The following CPE variants were observed in gnomAD, a reference collection of about 807,000 sequenced individuals.
The protein encoded by CPE is carbocypeptidase E.
Under a neutral mutation model 53.5 loss-of-function variants are expected in CPE, and 17 were observed. The ratio of observed to expected loss-of-function variants is 0.32; its 90% confidence interval spans 0.22 to 0.48. CPE has a LOEUF of 0.48. CPE is among the 20% of genes least tolerant of loss of function. The probability of loss-of-function intolerance (pLI) is 0.99; values close to 1 mark genes in which losing one functional copy is unlikely to be tolerated. For synonymous variants in CPE, 226 were observed against 228.8 expected, an observed-to-expected ratio of 0.99 and a Z score of 0.11; for missense variants, 524 against 614.7, an observed-to-expected ratio of 0.85 and a Z score of 1.56.
intron 1 of CPE, among the ~76,000 whole-genome samples, chr4:165,400,520 G>A (rs919757269): frequency 1.3e-5 from 2 of 151,996 alleles, no homozygotes; most frequent in African/African-American, 4.8e-5. Context: ...TGAAGCAGAG[G>A]ATACAGTAAA....
chr4:165,383,322 C>T (rs903628912), intron 1 of CPE, among the ~76,000 whole-genome samples: 21 of 152,256 alleles, frequency 1.4e-4, no homozygotes, highest in African/African-American at 3.9e-4. Context: ...TAAGGACTCA[C>T]GTATTCAAAC....
At chr4:165,470,732 C>G (rs767956538) in intron 3 of CPE, among the ~76,000 whole-genome samples, 2 of 152,152 alleles carry the variant, frequency 1.3e-5, no homozygotes, top group Non-Finnish European at 2.9e-5. Context: ...CATTTCCCCC[C>G]TCAAGAATCC....
chr4:165,488,606 T>C (rs561357121), intron 6 of CPE, among the ~76,000 whole-genome samples: 13 of 152,356 alleles, frequency 8.5e-5, no homozygotes, highest in African/African-American at 2.9e-4. Flanking sequence ...AGAGTGATGT[T>C]AGTTTCATGT....
chr4:165,432,463 G>A (rs1731430105), intron 1 of CPE, among the ~76,000 whole-genome samples: 4 of 151,848 alleles, frequency 2.6e-5, no homozygotes, highest in Non-Finnish European at 5.9e-5. Flanking sequence ...GCCTGGCTAA[G>A]TTTTTTAATT....
At chr4:165,428,034 T>G (rs1386125189) in intron 1 of CPE, among the ~76,000 whole-genome samples, 1 of 150,240 alleles carries the variant, frequency 6.7e-6, no homozygotes, top group African/African-American at 2.5e-5. Flanking sequence ...CTTTCCTCTT[T>G]TATTTCTTTT....
chr4:165,420,761 A>G (rs1287975134), intron 1 of CPE, among the ~76,000 whole-genome samples: 1 of 152,164 alleles, frequency 6.6e-6, no homozygotes, highest in African/African-American at 2.4e-5. Context: ...TCAAGCATTC[A>G]AATAACCATT....
chr4:165,460,870 C>T (rs1731986453), intron 1 of CPE, among the ~76,000 whole-genome samples: 1 of 151,976 alleles, frequency 6.6e-6, no homozygotes, highest in Non-Finnish European at 1.5e-5. Flanking sequence ...AAAATAGATC[C>T]CATCCCAGGA....
In CPE at chr4:165,379,098, G is replaced by A. The variant is rs957138370; in HGVS notation, c.-124G>A. The A allele has an allele frequency of 8.1e-6, 7 of 862,416 alleles. No individual in the cohort carries two copies. Among genetic ancestry groups the A allele is most frequent in the East Asian group, 3.9e-5 (1 of 25,764 alleles). 53.4% of individuals were successfully genotyped at this position (862,416 alleles called of 1,614,324 possible). A position where few individuals can be genotyped will look rare whatever the true frequency, so the allele number is the denominator to read the frequency against. ...ACACTCATTCAGCCGGGGAAGGTGA[G>A]GCGAGTAGAGGCTGGTGCGGAACTT... On this transcript the variant is annotated 5_prime_UTR_variant, in exon 1 of 9. Transcript: ENST00000402744. This position sits in a 1 kb window ranked among gnomAD's most constrained non-coding sequence, Gnocchi z 6.0.
Position 165,436,853 on chromosome 4 carries a change from G to A in CPE, c.308-27537G>A, listed in dbSNP as rs1272259690. ...TCTTTTCTTTAAGGAAAAAGCTTTTGTAGAGTCGAAGAGGAAAAGCTTCTA... is the reference window on the plus strand; with the variant it reads ...TCTTTTCTTTAAGGAAAAAGCTTTTATAGAGTCGAAGAGGAAAAGCTTCTA... On this transcript the variant is annotated intron_variant, in intron 1 of 8. Coordinates refer to ENST00000402744, the MANE Select transcript of CPE (RefSeq NM_001873.4). 4.6e-5 allele frequency among the ~76,000 whole-genome samples: 7 copies of A among 152,300 alleles called. No homozygotes were observed. In the East Asian group the frequency reaches 1.3e-3, roughly 29 times the overall value.
At chr4:165,482,698 T>C (rs1732435847) in intron 4 of CPE, among the ~76,000 whole-genome samples, 1 of 152,198 alleles carries the variant, frequency 6.6e-6, no homozygotes, top group South Asian at 2.1e-4. Context: ...TAGGTTCATG[T>C]AGAAGATGGC....
At chr4:165,381,755 A>G (rs890306135) in intron 1 of CPE, among the ~76,000 whole-genome samples, 2 of 152,270 alleles carry the variant, frequency 1.3e-5, no homozygotes, top group African/African-American at 4.8e-5. Context: ...TGATCAGTAT[A>G]CAAGTTTGAT....
chr4:165,384,199 A>G (rs1730549425), intron 1 of CPE, among the ~76,000 whole-genome samples: 1 of 152,248 alleles, frequency 6.6e-6, no homozygotes, highest in Admixed American at 6.5e-5. Context: ...TAGAACATAT[A>G]TTCAGCATGG....
chr4:165,488,168 A>G (rs573688825), intron 6 of CPE, among the ~76,000 whole-genome samples: 1 of 152,308 alleles, frequency 6.6e-6, no homozygotes, highest in Non-Finnish European at 1.5e-5. Flanking sequence ...CAACAACCTT[A>G]TGAGGGAAAT....
chr4:165,492,779 C>T (rs1158419973), intron 6 of CPE, among the ~76,000 whole-genome samples: 2 of 152,154 alleles, frequency 1.3e-5, no homozygotes, highest in African/African-American at 4.8e-5. Flanking sequence ...TCTTTAACTA[C>T]CAGGCCCAGG....
At chr4:165,432,588 G>C (rs1300740216) in intron 1 of CPE, among the ~76,000 whole-genome samples, 3 of 152,168 alleles carry the variant, frequency 2.0e-5, no homozygotes, top group African/African-American at 7.2e-5. Flanking sequence ...GAGCCACCAT[G>C]CCTGGTGAAT....
intron 1 of CPE, among the ~76,000 whole-genome samples, chr4:165,427,841 G>T (rs11724900): frequency 6.6e-6 from 1 of 151,940 alleles, no homozygotes; most frequent in South Asian, 2.1e-4. Flanking sequence ...GCACCCATAC[G>T]TTGCACATTT....
At chr4:165,481,148 A>G (rs1340270678) in intron 3 of CPE, among the ~76,000 whole-genome samples, 2 of 152,034 alleles carry the variant, frequency 1.3e-5, no homozygotes, top group African/African-American at 4.8e-5. Context: ...ATTTTAATAG[A>G]CTAAAGCTGA....
intron 1 of CPE, among the ~76,000 whole-genome samples, chr4:165,439,824 C>T (rs1424568323): frequency 6.6e-6 from 1 of 152,008 alleles, no homozygotes; most frequent in Non-Finnish European, 1.5e-5. Flanking sequence ...GAGCAAATGT[C>T]AACATTCTGG....
Position 165,464,516 on chromosome 4 carries a change from T to C in CPE, c.434T>C (p.Leu145Pro), listed in dbSNP as rs1470593767. The change falls in exon 2 of 9, where the codon CTG (leucine) becomes CCG (proline). Residue 145 changes from leucine (L) to proline (P), a missense_variant. Transcript: ENST00000402744. ...AAGGGGAACGAGACAATTGTCAACC[T>C]GATCCACAGTACCCGCATTCACATC... ...YQKGNETIVN[L>P]IHSTRIHIMP... The C allele has an allele frequency of 6.2e-7, 1 of 1,613,958 alleles. No individual in the cohort carries two copies. Among genetic ancestry groups the C allele is most frequent in the Admixed American group, 1.7e-5 (1 of 60,012 alleles).
Sources: allele counts gnomAD v4.1 joint callset (sites outside exome capture counted in the v4.1 genomes callset), GRCh38; gene constraint gnomAD v4.1.1; non-coding constraint Gnocchi (gnomAD v3.1); transcripts MANE v1.5; gene names NCBI Gene and HGNC (gene_info 2026-07-23, HGNC 2026-07-21).